Variants in SOX13 observed in about 807,000 individuals in gnomAD.
SOX13 encodes the protein SRY-box transcription factor 13.
SOX13 carries 28 observed loss-of-function variants against 71.8 expected under a neutral mutation model. The observed-to-expected ratio is 0.39, with a 90% confidence interval of 0.29 to 0.53. SOX13 has a LOEUF of 0.53. SOX13 is among the 20% of genes least tolerant of loss of function. The probability of loss-of-function intolerance (pLI) is 0.70; values close to 1 mark genes in which losing one functional copy is unlikely to be tolerated. For missense variants in SOX13, 627 were observed against 810.3 expected (o/e 0.77, Z 2.75); for synonymous variants, 309 against 317.8 (o/e 0.97, Z 0.29).
At chr1:204,124,554 G>T (rs1656878352) in intron 12 of SOX13, 87 bp from the exon 13 acceptor site, 1 of 1,125,172 alleles carries the variant, frequency 8.9e-7, no homozygotes, top group Non-Finnish European at 1.3e-6. Flanking sequence ...CCCACCTGGG[G>T]ATCAAGGTCT....
rs778189900 is a variant in SOX13, at chr1:204,123,841, C to T, written c.1375+37C>T. 6.6e-5 allele frequency: 107 copies of T among 1,609,730 alleles called. No homozygotes were observed. The highest frequency in any genetic ancestry group is 3.7e-4 in the South Asian group (34 of 90,952). On this transcript the variant is annotated intron_variant, in intron 12 of 13. Transcript: ENST00000367204. The surrounding 1 kb of genome is among the most constrained non-coding windows in gnomAD (Gnocchi z 5.0). ...TGGCTGGGGCCATGGTTCAGTGTGA[C>T]CTGGTTGCAGGAGCCAGCTGGGTCT...
At chr1:204,080,660 G>T (rs1655883562) in intron 1 of SOX13, among the ~76,000 whole-genome samples, 1 of 152,098 alleles carries the variant, frequency 6.6e-6, no homozygotes, top group Non-Finnish European at 1.5e-5. Flanking sequence ...CCCCAACAAA[G>T]GGGGTGAGGA....
At chr1:204,079,316 C>G (rs748465146) in intron 1 of SOX13, among the ~76,000 whole-genome samples, 36 of 150,542 alleles carry the variant, frequency 2.4e-4, no homozygotes, top group Non-Finnish European at 4.7e-4. Context: ...TTCTGTCCAG[C>G]CTGTGGTGTG....
intron 7 of SOX13, among the ~76,000 whole-genome samples, chr1:204,120,176 A>G (rs1042216026): frequency 5.9e-5 from 9 of 152,208 alleles, no homozygotes; most frequent in African/African-American, 1.9e-4. Flanking sequence ...CAACAGCCTG[A>G]GTAGACTAAG....
intron 2 of SOX13, among the ~76,000 whole-genome samples, chr1:204,113,912 G>A (rs562112964): frequency 6.6e-6 from 1 of 152,316 alleles, no homozygotes; most frequent in African/African-American, 2.4e-5. Context: ...ATGTTCAAGG[G>A]AGTGATAACT....
chr1:204,096,239 G>GTTTTTTTTTTTTTT lies in SOX13; in HGVS notation c.-1-16671_-1-16658dup, dbSNP rs59094119. 2.0e-4 allele frequency among the ~76,000 whole-genome samples: 17 copies of GTTTTTTTTTTTTTT among 85,370 alleles called. 2 individuals are homozygous for GTTTTTTTTTTTTTT. The highest frequency in any genetic ancestry group is 4.9e-4 in the South Asian group (1 of 2,034). The allele number at this position is 85,370 out of a possible 152,430, so 56.0% of individuals were successfully genotyped here. On this transcript the variant is annotated intron_variant, in intron 1 of 13. Transcript: ENST00000367204. ...CTTTTCTTTTCTTTTTCTTTCTTTC[G>GTTTTTTTTTTTTTT]TTTTTTTTTTTTTTTTTTGCGACAG...
intron 1 of SOX13, among the ~76,000 whole-genome samples, chr1:204,109,545 T>C (rs1345326017): frequency 3.9e-5 from 6 of 152,202 alleles, no homozygotes; most frequent in Admixed American, 2.6e-4. Context: ...CAGCCTGGTG[T>C]GTAGTAGGCT....
intron 1 of SOX13, among the ~76,000 whole-genome samples, chr1:204,109,248 C>T (rs541031379): frequency 3.2e-4 from 48 of 152,362 alleles, no homozygotes; most frequent in Non-Finnish European, 5.6e-4. Flanking sequence ...GAACCCTACA[C>T]TTTGAAAGTG....
chr1:204,118,962 T>A (rs904287101), intron 7 of SOX13: 1 of 152,154 alleles, frequency 6.6e-6, no homozygotes, highest in African/African-American at 2.4e-5. Flanking sequence ...ATACCTGAAC[T>A]AGGGCAGTGA....
At chr1:204,101,117 C>T (rs982645284) in intron 1 of SOX13, among the ~76,000 whole-genome samples, 1 of 152,250 alleles carries the variant, frequency 6.6e-6, no homozygotes, top group Admixed American at 6.5e-5. Flanking sequence ...AGGCTGTGCT[C>T]CTGTCAACAC....
At chr1:204,102,964 G>T (rs80222428) in intron 1 of SOX13, among the ~76,000 whole-genome samples, 2,421 of 152,214 alleles carry the variant, frequency 0.016, 64 homozygotes, top group African/African-American at 0.053. Flanking sequence ...ACCTGCCTCC[G>T]GAAGAGCTGG....
intron 5 of SOX13, 68 bp from the exon 6 acceptor site, chr1:204,117,054 G>T: frequency 6.6e-7 from 1 of 1,508,180 alleles, no homozygotes; most frequent in Non-Finnish European, 9.2e-7. Flanking sequence ...GGTGTGGTTA[G>T]GGCTGGGCAG....
chr1:204,113,213 C>T (rs1466959616), intron 2 of SOX13, 79 bp downstream of exon 2: 6 of 1,175,666 alleles, frequency 5.1e-6, no homozygotes, highest in East Asian at 2.6e-5. Context: ...CAGGCCCACT[C>T]CCCTAGATGG....
chr1:204,117,735 C>A, intron 7 of SOX13, 28 bp downstream of exon 7: 1 of 1,492,092 alleles, frequency 6.7e-7, no homozygotes, highest in Non-Finnish European at 9.3e-7. Context: ...GGTTCCACCA[C>A]TGCGGCCAGC....
At chr1:204,092,523 G>A (rs1391983581) in intron 1 of SOX13, among the ~76,000 whole-genome samples, 2 of 152,120 alleles carry the variant, frequency 1.3e-5, no homozygotes, top group Admixed American at 6.6e-5. Context: ...CTACAAAGTG[G>A]GAAAAGAATA....
Position 204,082,093 on chromosome 1 carries a change from G to A in SOX13, c.-2+8382G>A, listed in dbSNP as rs1655919912. On this transcript the variant is annotated intron_variant, in intron 1 of 13. Coordinates refer to ENST00000367204, the MANE Select transcript of SOX13 (RefSeq NM_005686.3). ...TGGGGTGTGTGTGGGGGGGAGGGAAGCTGAGTGTGATGTGTGTGTGAGTGT... is the reference window on the plus strand; with the variant it reads ...TGGGGTGTGTGTGGGGGGGAGGGAAACTGAGTGTGATGTGTGTGTGAGTGT... Among the ~76,000 whole-genome samples the A allele has an allele frequency of 2.6e-5, 4 of 151,310 alleles. No homozygotes were observed. The South Asian group carries it at 8.4e-4, about 32-fold the overall frequency.
chr1:204,102,426 G>A (rs1480915322), intron 1 of SOX13, among the ~76,000 whole-genome samples: 2 of 152,172 alleles, frequency 1.3e-5, no homozygotes, highest in Admixed American at 6.5e-5. Flanking sequence ...GTCATCAGCC[G>A]GGGAAGGGAA....
intron 7 of SOX13, chr1:204,118,379 TCTTA>T (rs1656739090): frequency 6.6e-6 from 1 of 151,470 alleles, no homozygotes; most frequent in South Asian, 2.1e-4. Flanking sequence ...TGAGACAGAG[TCTTA>T]CTTGTTCTGT....
At chr1:204,086,263 ACT>A (rs1417137170) in intron 1 of SOX13, among the ~76,000 whole-genome samples, 1 of 151,820 alleles carries the variant, frequency 6.6e-6, no homozygotes, top group Non-Finnish European at 1.5e-5. Context: ...ATTATGAATA[ACT>A]CAGCTTTGCA....
Sources: gnomAD v4.1 joint callset for allele counts (sites outside exome capture counted in the v4.1 genomes callset) on GRCh38, gnomAD v4.1.1 for gene constraint, Gnocchi (gnomAD v3.1) non-coding constraint, MANE v1.5 for transcripts, NCBI Gene and HGNC (gene_info 2026-07-23, HGNC 2026-07-21) for gene names.